CAMKK2: variants seen among roughly 807,000 people sequenced by gnomAD.
The protein encoded by CAMKK2 is calcium/calmodulin-dependent protein kinase kinase 2.
A neutral mutation model predicts 67.2 loss-of-function variants in CAMKK2; 30 were observed. The ratio of observed to expected loss-of-function variants is 0.45; its 90% CI spans 0.33 to 0.61. CAMKK2 has a LOEUF of 0.61. Ranked by LOEUF, CAMKK2 falls within the 20% of genes least tolerant of loss-of-function variation. The pLI is 0.02. For missense variants in CAMKK2, 643 were observed against 802.0 expected, an observed-to-expected ratio of 0.80 and a Z score of 2.39; for synonymous variants, 322 against 326.2, an observed-to-expected ratio of 0.99 and a Z score of 0.14.
chr12:121,296,542 C>T lies in CAMKK2; in HGVS notation c.-60+96G>A, dbSNP rs1336364763. On this transcript the variant is annotated intron_variant, in intron 1 of 16. Transcript: ENST00000404169. The surrounding 1 kb of genome is among the most constrained non-coding windows in gnomAD (Gnocchi z 7.1). ...AGCCTCCGGGCTTTGTGTGCCATGC[C>T]GGCGGCGGTCCCCCGCCTCGAGAGG... 1 of 151,906 alleles carries T rather than the reference C, an allele frequency of 6.6e-6. No individual in the cohort carries two copies. The highest frequency in any genetic ancestry group is 1.5e-5 in the Non-Finnish European group (1 of 67,890). 9.4% of individuals were successfully genotyped at this position (151,906 alleles called of 1,614,324 possible).
At chr12:121,255,695 C>G (rs1593329867) in intron 8 of CAMKK2, 57 bp from the exon 9 acceptor site, 3 of 1,608,272 alleles carry the variant, frequency 1.9e-6, no homozygotes, top group Admixed American at 1.7e-5. Flanking sequence ...CTTGCCCTCT[C>G]TCATGAGCAG....
Position 121,245,182 on chromosome 12 carries a change from C to A in CAMKK2, c.1511G>T (p.Arg504Leu). The A allele has an allele frequency of 1.2e-6, 2 of 1,608,544 alleles. No homozygotes were observed. The highest frequency in any genetic ancestry group is 1.7e-6 in the Non-Finnish European group (2 of 1,177,204). The change falls in exon 15 of 17, where the codon CGG (arginine) becomes CTG (leucine). Residue 504 changes from arginine (R) to leucine (L), a missense_variant. Transcript: ENST00000404169. The surrounding 1 kb of genome is among the most constrained non-coding windows in gnomAD (Gnocchi z 5.8). ...RSFGNPFEGS[R>L]REERSLSAPG... Reference sequence around the variant, plus strand: ...CGCTGACAGTGAGCGTTCCTCCCGCCGGCTGCCCTCGAATGGGTTCCCAAA... The same window carrying A: ...CGCTGACAGTGAGCGTTCCTCCCGCAGGCTGCCCTCGAATGGGTTCCCAAA...
intron 14 of CAMKK2, among the ~76,000 whole-genome samples, chr12:121,247,470 C>A (rs1889728726): frequency 6.6e-6 from 1 of 152,226 alleles, no homozygotes; most frequent in Admixed American, 6.5e-5. Flanking sequence ...AAAGGGAGGG[C>A]AACTGATTCA....
At chr12:121,250,953 T>A (rs957748429) in intron 11 of CAMKK2, among the ~76,000 whole-genome samples, 1 of 152,366 alleles carries the variant, frequency 6.6e-6, no homozygotes, top group East Asian at 1.9e-4. Context: ...AAGCCTAGAT[T>A]CAGCTGACTC....
rs971690123 is a variant in CAMKK2, at chr12:121,270,855, C to G, written c.519+43G>C. 4.6e-6 allele frequency: 7 copies of G among 1,528,436 alleles called. No individual in the cohort carries two copies. In the Admixed American group the frequency reaches 6.7e-5, roughly 15 times the overall value. 94.7% of individuals were successfully genotyped at this position (1,528,436 alleles called of 1,614,324 possible). A position where few individuals can be genotyped will look rare whatever the true frequency, so the allele number is the denominator to read the frequency against. On this transcript the variant is annotated intron_variant, in intron 3 of 16. Transcript: ENST00000404169. ...GTTCCCTCCACAGTATCTGAACGCC[C>G]CTGGTGAATGCAGAAAGCCAGCCTA... is the stretch of plus-strand genomic sequence containing the variant.
rs1887823925 is a variant in CAMKK2 at position 121,238,031 on chromosome 12, C to T, written c.*2668G>A. The T allele has an allele frequency of 1.3e-5, 2 of 152,742 alleles. No individual in the cohort carries two copies. Among genetic ancestry groups the T allele is most frequent in the South Asian group, 4.1e-4 (2 of 4,826 alleles). 9.5% of individuals were successfully genotyped at this position (152,742 alleles called of 1,614,324 possible). On this transcript the variant is annotated 3_prime_UTR_variant, in exon 17 of 17. Coordinates refer to ENST00000404169, the MANE Select transcript of CAMKK2 (RefSeq NM_001270485.2). ...TTCTTCCACTCGGCAACGTGAAGCT[C>T]CCCGCTGGAAGACAAGTGAGAGCGA... is the stretch of plus-strand genomic sequence containing the variant.
rs994354007 is a variant in CAMKK2 at position 121,239,698 on chromosome 12, A to G, written c.*1001T>C. ...GAATATACAGGTTATGAACTAGCTA[A>G]GCTGCTAATATATATACAGGCGGGC... On this transcript the variant is annotated 3_prime_UTR_variant, in exon 17 of 17. Transcript: ENST00000404169. 6.6e-6 allele frequency: 1 copy of G among 152,224 alleles called. No individual in the cohort carries two copies. Among genetic ancestry groups the G allele is most frequent in the Non-Finnish European group, 1.5e-5 (1 of 68,050 alleles). 9.4% of individuals were successfully genotyped at this position (152,224 alleles called of 1,614,324 possible). A position where few individuals can be genotyped will look rare whatever the true frequency, so the allele number is the denominator to read the frequency against.
At chr12:121,257,161 A>G (rs1892466791) in intron 7 of CAMKK2, among the ~76,000 whole-genome samples, 1 of 152,096 alleles carries the variant, frequency 6.6e-6, no homozygotes, top group South Asian at 2.1e-4. Flanking sequence ...CCATGATGGG[A>G]TTATTATGCA....
chr12:121,288,968 C>A (rs996983125), intron 1 of CAMKK2, among the ~76,000 whole-genome samples: 3 of 152,190 alleles, frequency 2.0e-5, no homozygotes, highest in African/African-American at 7.2e-5. Flanking sequence ...CAGAATTGTT[C>A]ATCTTTTCCA....
intron 16 of CAMKK2, among the ~76,000 whole-genome samples, chr12:121,243,041 C>CT (rs571140733): frequency 1.1e-4 from 17 of 150,586 alleles, no homozygotes; most frequent in South Asian, 4.2e-4. Flanking sequence ...CGCGCCCAGC[C>CT]TTTTTTTTTG....
chr12:121,284,355 C>T (rs1248952890), intron 1 of CAMKK2, among the ~76,000 whole-genome samples: 10 of 152,156 alleles, frequency 6.6e-5, no homozygotes, highest in South Asian at 2.1e-4. Flanking sequence ...GATGGAGTCT[C>T]GCTCTGTTGC....
chr12:121,295,224 C>G lies in CAMKK2; in HGVS notation c.-60+1414G>C, dbSNP rs973898381. 5.4e-4 allele frequency among the ~76,000 whole-genome samples: 82 copies of G among 152,170 alleles called. 1 individual carries two copies. The highest frequency in any genetic ancestry group is 5.2e-3 in the Admixed American group (80 of 15,278). On this transcript the variant is annotated intron_variant, in intron 1 of 16. Coordinates refer to ENST00000404169, the MANE Select transcript of CAMKK2 (RefSeq NM_001270485.2). Reference sequence around the variant, plus strand: ...AAGTTAGGGGCTCATCAAATGATGGCTATTACTCTTCATTACAAAAATATG... The same window carrying G: ...AAGTTAGGGGCTCATCAAATGATGGGTATTACTCTTCATTACAAAAATATG...
intron 14 of CAMKK2, among the ~76,000 whole-genome samples, chr12:121,246,555 AAGAG>A (rs1312008656): frequency 6.6e-6 from 1 of 151,856 alleles, no homozygotes; most frequent in Non-Finnish European, 1.5e-5. Context: ...TCAAAAAAAA[AAGAG>A]AGAGAGAATG....
chr12:121,248,456 T>G, intron 14 of CAMKK2, 150 bp downstream of exon 14: 1 of 821,220 alleles, frequency 1.2e-6, no homozygotes, highest in Non-Finnish European at 1.9e-6. Flanking sequence ...GCCTGATACA[T>G]GACCAAGGCC....
Position 121,274,138 on chromosome 12 carries a change from G to A in CAMKK2, c.389C>T (p.Pro130Leu), listed in dbSNP as rs1459116696. 6.3e-7 allele frequency: 1 copy of A among 1,585,060 alleles called. No homozygotes were observed. Among genetic ancestry groups the A allele is most frequent in the African/African-American group, 1.3e-5 (1 of 74,594 alleles). The change falls in exon 2 of 17, where the codon CCC (proline) becomes CTC (leucine). Residue 130 changes from proline to leucine, a missense_variant. Transcript: ENST00000404169. Reference sequence around the variant, plus strand: ...AGGCGAGGACTGCGGGGAGCTGACGGGTGAGTAGGGCAGGGACGGGCAGAT... The same window carrying A: ...AGGCGAGGACTGCGGGGAGCTGACGAGTGAGTAGGGCAGGGACGGGCAGAT... Reference protein sequence around the residue: ...RCICPSLPYSPVSSPQSSPRL... With the variant: ...RCICPSLPYSLVSSPQSSPRL...
chr12:121,247,676 C>G (rs1043035115), intron 14 of CAMKK2, among the ~76,000 whole-genome samples: 1 of 152,140 alleles, frequency 6.6e-6, no homozygotes, highest in African/African-American at 2.4e-5. Flanking sequence ...GATGCCCCAG[C>G]CAGGGCTCAG....
intron 14 of CAMKK2, among the ~76,000 whole-genome samples, chr12:121,247,613 G>A (rs1214187411): frequency 2.6e-5 from 4 of 152,202 alleles, no homozygotes; most frequent in African/African-American, 9.7e-5. Context: ...GTCTTCAACA[G>A]TGAAGGTCCT....
At chr12:121,288,583 C>G (rs1004420941) in intron 1 of CAMKK2, among the ~76,000 whole-genome samples, 1 of 152,158 alleles carries the variant, frequency 6.6e-6, no homozygotes, top group Non-Finnish European at 1.5e-5. Flanking sequence ...CCCTGGCCCC[C>G]GCAAAACACT....
At chr12:121,268,248 C>T (rs1895044874) in intron 5 of CAMKK2, among the ~76,000 whole-genome samples, 1 of 151,772 alleles carries the variant, frequency 6.6e-6, no homozygotes, top group South Asian at 2.1e-4. Flanking sequence ...CCTAGGTGAA[C>T]ACGGATGTCC....
Sources: gnomAD v4.1 joint callset for allele counts (sites outside exome capture counted in the v4.1 genomes callset) on GRCh38, gnomAD v4.1.1 for gene constraint, Gnocchi (gnomAD v3.1) non-coding constraint, MANE v1.5 for transcripts, NCBI Gene and HGNC (gene_info 2026-07-23, HGNC 2026-07-21) for gene names.